HYAL4: variants seen among roughly 807,000 people sequenced by gnomAD.
The protein encoded by HYAL4 is hyaluronidase 4.
HYAL4 carries 37 observed loss-of-function variants against 35.2 expected under a neutral mutation model. The ratio of observed to expected loss-of-function variants is 1.05; its 90% CI spans 0.81 to 1.38. The LOEUF is 1.38. Among genes scored for constraint, HYAL4 ranks in the 40% most tolerant of loss-of-function variants. HYAL4 has a pLI of 0.00. For synonymous variants in HYAL4, 198 were observed against 203.2 expected, an observed-to-expected ratio of 0.97 and a Z score of 0.22; for missense variants, 572 against 572.4, an observed-to-expected ratio of 1.00 and a Z score of 0.01.
chr7:123,781,497 C>G, the HYAL4 span, among the ~76,000 whole-genome samples: 1 of 146,986 alleles, frequency 6.8e-6, no homozygotes, highest in Non-Finnish European at 1.5e-5. Context: ...CCCCGGTTCC[C>G]CTTATTTCTT....
chr7:123,841,971 G>A (rs1037661022), upstream of HYAL4, among the ~76,000 whole-genome samples: 1 of 151,844 alleles, frequency 6.6e-6, no homozygotes, highest in Non-Finnish European at 1.5e-5. Context: ...TTTTTTGAAG[G>A]ATTTTTTTGT....
Position 123,872,179 on chromosome 7 carries a change from C to T in HYAL4, c.955-2582C>T, listed in dbSNP as rs147424888. 1.1e-4 allele frequency among the ~76,000 whole-genome samples: 16 copies of T among 152,226 alleles called. 1 individual carries two copies. In the East Asian group the frequency reaches 3.1e-3, roughly 29 times the overall value. On this transcript the variant is annotated intron_variant, in intron 3 of 4. Coordinates refer to ENST00000223026, the MANE Select transcript of HYAL4 (RefSeq NM_012269.3). Reference sequence around the variant, plus strand: ...CTCCCACCCTTGCACCTTTTGGAGTCTCCAATGTCTATTATTGCACTCTGT... The same window carrying T: ...CTCCCACCCTTGCACCTTTTGGAGTTTCCAATGTCTATTATTGCACTCTGT...
chr7:123,795,510 G>A, the HYAL4 span, among the ~76,000 whole-genome samples: 2 of 152,206 alleles, frequency 1.3e-5, no homozygotes, highest in East Asian at 1.9e-4. Flanking sequence ...TTAGTCATGG[G>A]GTGTTTTCTC....
the HYAL4 span, among the ~76,000 whole-genome samples, chr7:123,777,621 C>G: frequency 1.3e-5 from 2 of 152,076 alleles, no homozygotes; most frequent in African/African-American, 4.8e-5. Flanking sequence ...TTCATTATTC[C>G]AGATGCTTAA....
the HYAL4 span, among the ~76,000 whole-genome samples, chr7:123,791,610 C>G: frequency 3.3e-5 from 5 of 152,206 alleles, no homozygotes; most frequent in Admixed American, 2.0e-4. Flanking sequence ...TAGCCATTTA[C>G]CCCTTGGCTC....
rs564845698 is a variant in HYAL4 at position 123,856,527 on chromosome 7, A to C, written c.-52+8369A>C. On this transcript the variant is annotated intron_variant, in intron 2 of 4. Coordinates refer to ENST00000223026, the MANE Select transcript of HYAL4 (RefSeq NM_012269.3). Reference sequence around the variant, plus strand: ...TTGCCTGGTATCACTAGGAGGCTGCAGAACAGCAAAGATTGCTGCCTGCTC... The same window carrying C: ...TTGCCTGGTATCACTAGGAGGCTGCCGAACAGCAAAGATTGCTGCCTGCTC... Among the ~76,000 whole-genome samples, 22 of 152,340 alleles carry C rather than the reference A, an allele frequency of 1.4e-4. No homozygotes were observed. In the South Asian group the frequency reaches 4.6e-3, roughly 32 times the overall value.
chr7:123,820,413 G>A, the HYAL4 span, among the ~76,000 whole-genome samples: 49 of 151,690 alleles, frequency 3.2e-4, no homozygotes, highest in African/African-American at 1.1e-3. Flanking sequence ...GAGAAACCCC[G>A]TCTCTACTAA....
intron 1 of HYAL4, among the ~76,000 whole-genome samples, chr7:123,835,625 T>A (rs1805952285): frequency 6.6e-6 from 1 of 152,112 alleles, no homozygotes; most frequent in Non-Finnish European, 1.5e-5. Context: ...TGGGTGTGGG[T>A]CTGATTTGTT....
At chr7:123,784,345 T>C in the HYAL4 span, among the ~76,000 whole-genome samples, 1 of 152,206 alleles carries the variant, frequency 6.6e-6, no homozygotes, top group Non-Finnish European at 1.5e-5. Flanking sequence ...AATCTAGAAC[T>C]TTACATTTTT....
intron 1 of HYAL4, among the ~76,000 whole-genome samples, chr7:123,830,573 T>C (rs1227744119): frequency 6.6e-6 from 1 of 152,174 alleles, no homozygotes; most frequent in Non-Finnish European, 1.5e-5. Context: ...GGACATAAAC[T>C]TTTTCATGGG....
chr7:123,803,164 C>T, the HYAL4 span, among the ~76,000 whole-genome samples: 72 of 152,314 alleles, frequency 4.7e-4, no homozygotes, highest in African/African-American at 1.6e-3. Flanking sequence ...TGGCATGCAC[C>T]TCTAGTCCTA....
the HYAL4 span, among the ~76,000 whole-genome samples, chr7:123,822,833 T>C: frequency 4.6e-5 from 7 of 152,134 alleles, no homozygotes; most frequent in Non-Finnish European, 8.8e-5. Context: ...GGTGTGTTGG[T>C]GTGTGCTTGT....
At chr7:123,773,713 G>T in the HYAL4 span, among the ~76,000 whole-genome samples, 1 of 152,156 alleles carries the variant, frequency 6.6e-6, no homozygotes, top group Admixed American at 6.5e-5. Flanking sequence ...TTTACTGTTT[G>T]CTTAATTAAA....
At chr7:123,831,909 A>G (rs1166167436) in intron 1 of HYAL4, among the ~76,000 whole-genome samples, 2 of 152,216 alleles carry the variant, frequency 1.3e-5, no homozygotes, top group African/African-American at 4.8e-5. Context: ...GAAAATTATC[A>G]TGGAAAAGGA....
chr7:123,764,301 C>T, the HYAL4 span, among the ~76,000 whole-genome samples: 1 of 152,156 alleles, frequency 6.6e-6, no homozygotes, highest in Non-Finnish European at 1.5e-5. Context: ...GGGTGTTTAC[C>T]ACCTCAAGAA....
the HYAL4 span, among the ~76,000 whole-genome samples, chr7:123,788,683 C>A: frequency 6.6e-6 from 1 of 152,158 alleles, no homozygotes; most frequent in Non-Finnish European, 1.5e-5. Flanking sequence ...GATGGGTACA[C>A]AGACACTTGT....
At chr7:123,863,111 T>C (rs2116948079) in intron 2 of HYAL4, among the ~76,000 whole-genome samples, 1 of 152,336 alleles carries the variant, frequency 6.6e-6, no homozygotes, top group South Asian at 2.1e-4. Context: ...TCCTGCCTTA[T>C]TTATTTTTCT....
chr7:123,766,413 C>T, the HYAL4 span, among the ~76,000 whole-genome samples: 6 of 152,006 alleles, frequency 3.9e-5, no homozygotes, highest in South Asian at 1.0e-3. Flanking sequence ...GTGGGGTTTA[C>T]GAGTTTTCAA....
the HYAL4 span, among the ~76,000 whole-genome samples, chr7:123,796,217 AT>A: frequency 6.6e-6 from 1 of 152,214 alleles, no homozygotes; most frequent in African/African-American, 2.4e-5. Context: ...TGGATTAGAC[AT>A]CATGGGAACA....
Sources: allele counts gnomAD v4.1 joint callset (sites outside exome capture counted in the v4.1 genomes callset), GRCh38; gene constraint gnomAD v4.1.1; transcripts MANE v1.5; gene names NCBI Gene and HGNC (gene_info 2026-07-23, HGNC 2026-07-21).